The following SRF variants were observed in gnomAD, a reference collection of about 807,000 sequenced individuals.
SRF encodes the protein serum response factor, also known as c-fos serum response element-binding transcription factor.
Under a neutral mutation model 37.1 loss-of-function variants are expected in SRF, and 7 were observed. The ratio of observed to expected loss-of-function variants is 0.19; its 90% CI spans 0.11 to 0.35. SRF has a LOEUF of 0.35. Among genes scored for constraint, SRF ranks in the 10% least tolerant of loss-of-function variants. SRF has a pLI of 1.00. For missense variants in SRF, 395 were observed against 694.4 expected (o/e 0.57, Z 4.85); for synonymous variants, 285 against 310.1 (o/e 0.92, Z 0.85).
rs1407168804 is a variant in SRF at position 43,176,662 on chromosome 6, G to T, written c.1157G>T (p.Gly386Val). Residue 386 changes from glycine (G) to valine (V), a missense_variant, in exon 4 of 7, where the codon GGG (glycine) becomes GTG (valine). Gly to Val is a moderately radical substitution (Grantham distance 109, BLOSUM62 -3). Coordinates refer to ENST00000265354, the MANE Select transcript of SRF (RefSeq NM_003131.4). This position sits in a 1 kb window ranked among gnomAD's most constrained non-coding sequence, Gnocchi z 4.0. ...STDLTQTSSS[G>V]TVTLPATIMT... ...GACCTCACGCAGACCTCCTCCAGCG[G>T]GACAGGTATAGCTCGCAGCCCTGTC... 6.2e-7 allele frequency: 1 copy of T among 1,613,958 alleles called. No homozygotes were observed. Among genetic ancestry groups the T allele is most frequent in the Non-Finnish European group, 8.5e-7 (1 of 1,179,940 alleles).
chr6:43,181,159 C>T lies in SRF; in HGVS notation c.*1969C>T, dbSNP rs979757555. 6.5e-6 allele frequency: 1 copy of T among 152,756 alleles called. No homozygotes were observed. The highest frequency in any genetic ancestry group is 1.5e-5 in the Non-Finnish European group (1 of 68,066). 9.5% of individuals were successfully genotyped at this position (152,756 alleles called of 1,614,324 possible). A position where few individuals can be genotyped will look rare whatever the true frequency, so the allele number is the denominator to read the frequency against. On this transcript the variant is annotated 3_prime_UTR_variant, in exon 7 of 7. Transcript: ENST00000265354. ...TTTGATGAATTCTTCCTCTCCTTCC[C>T]ACAAAAGACAGACCCAGTGAGTGAA...
In SRF at chr6:43,176,436, G is replaced by T. The variant is rs777573080; in HGVS notation, c.1043-112G>T. 6 of 1,505,656 alleles carry T rather than the reference G, an allele frequency of 4.0e-6. 1 individual carries two copies. The highest frequency in any genetic ancestry group is 4.0e-4 in the Middle Eastern group (2 of 5,056). The allele number at this position is 1,505,656 out of a possible 1,614,324, so 93.3% of individuals were successfully genotyped here. ...CTCTTTGGCTTCCAGGAAAGATAGTGATGGGAGTTGGAGACCAGTGTGCCA... is the reference window on the plus strand; with the variant it reads ...CTCTTTGGCTTCCAGGAAAGATAGTTATGGGAGTTGGAGACCAGTGTGCCA... On this transcript the variant is annotated intron_variant, in intron 3 of 6. Coordinates refer to ENST00000265354, the MANE Select transcript of SRF (RefSeq NM_003131.4). The surrounding 1 kb of genome is among the most constrained non-coding windows in gnomAD (Gnocchi z 4.0).
Position 43,176,405 on chromosome 6 carries a change from A to T in SRF, c.1043-143A>T. The T allele has an allele frequency of 7.5e-7, 1 of 1,324,942 alleles. No homozygotes were observed. Among genetic ancestry groups the T allele is most frequent in the Admixed American group, 2.0e-5 (1 of 48,922 alleles). 82.1% of individuals were successfully genotyped at this position (1,324,942 alleles called of 1,614,324 possible). On this transcript the variant is annotated intron_variant, in intron 3 of 6. Coordinates refer to ENST00000265354, the MANE Select transcript of SRF (RefSeq NM_003131.4). The surrounding 1 kb of genome is among the most constrained non-coding windows in gnomAD (Gnocchi z 4.0). Reference sequence around the variant, plus strand: ...CCCCCAGAGTGGATACTTGGGCCTGAAGGGCCTCTTTGGCTTCCAGGAAAG... The same window carrying T: ...CCCCCAGAGTGGATACTTGGGCCTGTAGGGCCTCTTTGGCTTCCAGGAAAG...
At chr6:43,175,039 C>T (rs1004788740) in intron 2 of SRF, among the ~76,000 whole-genome samples, 1 of 152,166 alleles carries the variant, frequency 6.6e-6, no homozygotes, top group Non-Finnish European at 1.5e-5. Context: ...TGGATGAGTA[C>T]ATTCTTTTGG....
Position 43,172,539 on chromosome 6 carries a change from TC to T in SRF, c.513+371del. 6 of 885,998 alleles carry T rather than the reference TC, an allele frequency of 6.8e-6. No homozygotes were observed. Among genetic ancestry groups the T allele is most frequent in the Non-Finnish European group, 8.1e-6 (6 of 739,294 alleles). The allele number at this position is 885,998 out of a possible 1,614,324, so 54.9% of individuals were successfully genotyped here. A position where few individuals can be genotyped will look rare whatever the true frequency, so the allele number is the denominator to read the frequency against. On this transcript the variant is annotated intron_variant, in intron 1 of 6. Coordinates refer to ENST00000265354, the MANE Select transcript of SRF (RefSeq NM_003131.4). The surrounding 1 kb of genome is among the most constrained non-coding windows in gnomAD (Gnocchi z 5.7). ...CAGTAGGTCCAGTGCACTCCGGTGT[TC>T]GGACGAGGGCGCCGGAAAAGCAGGG...
At position 43,179,542 on chromosome 6, in the gene SRF, C is replaced by G. The variant is rs1378969139; in HGVS notation, c.*352C>G. On this transcript the variant is annotated 3_prime_UTR_variant, in exon 7 of 7. Transcript: ENST00000265354. This position sits in a 1 kb window ranked among gnomAD's most constrained non-coding sequence, Gnocchi z 5.3. Reference sequence around the variant, plus strand: ...CCCCACACACAGGCCTTCTGTGGGGCTGGGCACCGTGTCCTCCTCTGAGGA... The same window carrying G: ...CCCCACACACAGGCCTTCTGTGGGGGTGGGCACCGTGTCCTCCTCTGAGGA... The G allele has an allele frequency of 3.2e-6, 1 of 311,296 alleles. No individual in the cohort carries two copies. Among genetic ancestry groups the G allele is most frequent in the East Asian group, 8.1e-5 (1 of 12,308 alleles). 19.3% of individuals were successfully genotyped at this position (311,296 alleles called of 1,614,324 possible).
Position 43,171,516 on chromosome 6 carries a change from G to A in SRF, c.-141G>A. The A allele has an allele frequency of 2.0e-6, 2 of 981,832 alleles. No homozygotes were observed. The highest frequency in any genetic ancestry group is 1.3e-6 in the Non-Finnish European group (1 of 776,160). The allele number at this position is 981,832 out of a possible 1,614,324, so 60.8% of individuals were successfully genotyped here. On this transcript the variant is annotated 5_prime_UTR_variant, in exon 1 of 7. Coordinates refer to ENST00000265354, the MANE Select transcript of SRF (RefSeq NM_003131.4). The surrounding 1 kb of genome is among the most constrained non-coding windows in gnomAD (Gnocchi z 6.5). ...GTCGGCCCGGGCGTGCAGGGGCCCC[G>A]GGTTCGCAGCGGCGGCCGCGGCAGC...
In SRF at chr6:43,176,443, G is replaced by A. The variant is rs992410682; in HGVS notation, c.1043-105G>A. ...GCTTCCAGGAAAGATAGTGATGGGAGTTGGAGACCAGTGTGCCAGACCCTG... is the reference window on the plus strand; with the variant it reads ...GCTTCCAGGAAAGATAGTGATGGGAATTGGAGACCAGTGTGCCAGACCCTG... On this transcript the variant is annotated intron_variant, in intron 3 of 6. Transcript: ENST00000265354. The surrounding 1 kb of genome is among the most constrained non-coding windows in gnomAD (Gnocchi z 4.0). 7 of 1,529,786 alleles carry A rather than the reference G, an allele frequency of 4.6e-6. No homozygotes were observed. The highest frequency in any genetic ancestry group is 5.3e-6 in the Non-Finnish European group (6 of 1,124,962). 94.8% of individuals were successfully genotyped at this position (1,529,786 alleles called of 1,614,324 possible). A position where few individuals can be genotyped will look rare whatever the true frequency, so the allele number is the denominator to read the frequency against.
At chr6:43,177,850 G>C (rs111773489) in intron 4 of SRF, among the ~76,000 whole-genome samples, 3 of 150,536 alleles carry the variant, frequency 2.0e-5, no homozygotes, top group Non-Finnish European at 4.4e-5. Flanking sequence ...AGGAGGCGGA[G>C]CTTGCAGTGA....
At position 43,180,234 on chromosome 6, in the gene SRF, G is replaced by A. The variant is rs1408102467; in HGVS notation, c.*1044G>A. 1 of 152,254 alleles carries A rather than the reference G, an allele frequency of 6.6e-6. No homozygotes were observed. The highest frequency in any genetic ancestry group is 1.5e-5 in the Non-Finnish European group (1 of 68,088). The allele number at this position is 152,254 out of a possible 1,614,324, so 9.4% of individuals were successfully genotyped here. On this transcript the variant is annotated 3_prime_UTR_variant, in exon 7 of 7. Transcript: ENST00000265354. ...TTTGCCCTTTAGGGCTGTTGCTAGG[G>A]AGAGGGAAGAGGGAGACCAAATGTC...
chr6:43,178,378 T>G lies in SRF; in HGVS notation c.1247T>G (p.Met416Arg). ...ATGTACCCTAGCCCGCATGCGGTGATGTATGCCCCCACCTCGGGCCTGGGT... is the reference window on the plus strand; with the variant it reads ...ATGTACCCTAGCCCGCATGCGGTGAGGTATGCCCCCACCTCGGGCCTGGGT... ...HMMYPSPHAVMYAPTSGLGDG... is the reference protein window; with the variant it reads ...HMMYPSPHAVRYAPTSGLGDG... The change falls in exon 5 of 7, where the codon ATG becomes AGG. Residue 416 changes from methionine (M) to arginine (R), a missense_variant. Around this residue, in one of 4 missense-constraint regions of SRF, gnomAD observed 232 missense variants for 335.6 expected, o/e 0.69. Coordinates refer to ENST00000265354, the MANE Select transcript of SRF (RefSeq NM_003131.4). The surrounding 1 kb of genome is among the most constrained non-coding windows in gnomAD (Gnocchi z 4.3). 1.2e-6 allele frequency: 2 copies of G among 1,614,064 alleles called. No individual in the cohort carries two copies. The highest frequency in any genetic ancestry group is 1.7e-6 in the Non-Finnish European group (2 of 1,180,022).
intron 2 of SRF, among the ~76,000 whole-genome samples, chr6:43,175,363 CAG>C (rs1342688190): frequency 6.6e-6 from 1 of 152,152 alleles, no homozygotes; most frequent in Non-Finnish European, 1.5e-5. Flanking sequence ...GCAGAGAACT[CAG>C]GGGATTATAA....
rs770210193 is a variant in SRF at position 43,178,286 on chromosome 6, T to C, written c.1163-8T>C. On this transcript the variant is annotated splice_region_variant and splice_polypyrimidine_tract_variant and intron_variant, in intron 4 of 6. Coordinates refer to ENST00000265354, the MANE Select transcript of SRF (RefSeq NM_003131.4). The surrounding 1 kb of genome is among the most constrained non-coding windows in gnomAD (Gnocchi z 4.3). ...AGTGCCGAGCTGACACATGTCTGTG[T>C]TTGCCAGTGACGCTGCCCGCCACCA... is the stretch of plus-strand genomic sequence containing the variant. 2 of 1,590,996 alleles carry C rather than the reference T, an allele frequency of 1.3e-6. No homozygotes were observed. Among genetic ancestry groups the C allele is most frequent in the Non-Finnish European group, 1.7e-6 (2 of 1,162,812 alleles).
rs1772275546 is a variant in SRF at position 43,179,825 on chromosome 6, C to G, written c.*635C>G. ...CAGGGGCTCCTGGGTTGGAGGGAAC[C>G]ACCAGCGTTCCCTTCTCCCCCTTGT... On this transcript the variant is annotated 3_prime_UTR_variant, in exon 7 of 7. Transcript: ENST00000265354. This position sits in a 1 kb window ranked among gnomAD's most constrained non-coding sequence, Gnocchi z 5.3. 1 of 153,140 alleles carries G rather than the reference C, an allele frequency of 6.5e-6. No homozygotes were observed. Among genetic ancestry groups the G allele is most frequent in the Non-Finnish European group, 1.5e-5 (1 of 68,408 alleles). 9.5% of individuals were successfully genotyped at this position (153,140 alleles called of 1,614,324 possible).
At position 43,178,021 on chromosome 6, in the gene SRF, C is replaced by A. The variant is rs1282298562; in HGVS notation, c.1163-273C>A. 6.6e-6 allele frequency among the ~76,000 whole-genome samples: 1 copy of A among 151,840 alleles called. No homozygotes were observed. Among genetic ancestry groups the A allele is most frequent in the East Asian group, 1.9e-4 (1 of 5,188 alleles). ...TTTCTGAGAGTAGGTCAGTCATAAT[C>A]TTTGTTTTTCCCAAGATTTAGGACT... On this transcript the variant is annotated intron_variant, in intron 4 of 6. Transcript: ENST00000265354. The surrounding 1 kb of genome is among the most constrained non-coding windows in gnomAD (Gnocchi z 4.3).
Position 43,172,133 on chromosome 6 carries a change from G to A in SRF, c.477G>A (p.Thr159=), listed in dbSNP as rs760691850. ...TCGACAACAAGCTGCGGCGCTACAC[G>A]ACCTTCAGCAAGAGGAAGACGGGCA... ...EFIDNKLRRY[T]TFSKRKTGIM... The change falls in exon 1 of 7, where the codon ACG becomes ACA. Residue 159 remains threonine (T), a synonymous_variant. Transcript: ENST00000265354. The surrounding 1 kb of genome is among the most constrained non-coding windows in gnomAD (Gnocchi z 5.7). The A allele has an allele frequency of 6.2e-7, 1 of 1,612,046 alleles. No individual in the cohort carries two copies. The highest frequency in any genetic ancestry group is 1.1e-5 in the South Asian group (1 of 91,070).
Position 43,179,154 on chromosome 6 carries a change from G to A in SRF, c.1491G>A (p.Val497=). ...GCAACCTCACCGAGCTACAGGTGGT[G>A]AACCTGGACACCGCCCACAGCACCA... The part of the protein sequence containing the change: ...SSSNLTELQV[V]NLDTAHSTKS... Residue 497 remains valine (V), a synonymous_variant, in exon 7 of 7, where the codon GTG becomes GTA. Coordinates refer to ENST00000265354, the MANE Select transcript of SRF (RefSeq NM_003131.4). This position sits in a 1 kb window ranked among gnomAD's most constrained non-coding sequence, Gnocchi z 5.3. 6.2e-7 allele frequency: 1 copy of A among 1,614,254 alleles called. No homozygotes were observed. Among genetic ancestry groups the A allele is most frequent in the Non-Finnish European group, 8.5e-7 (1 of 1,180,052 alleles).
In SRF at chr6:43,171,842, A is replaced by G; in HGVS notation, c.186A>G (p.Ala62=). The change falls in exon 1 of 7, where the codon GCA becomes GCG. Residue 62 remains alanine (A), a synonymous_variant. Transcript: ENST00000265354. The surrounding 1 kb of genome is among the most constrained non-coding windows in gnomAD (Gnocchi z 6.5). ...GCCGCCTGGAGCGGGAGGCTGCGGCAGCGGCGGCAACCACCCCGGCGCCCA... is the reference window on the plus strand; with the variant it reads ...GCCGCCTGGAGCGGGAGGCTGCGGCGGCGGCGGCAACCACCCCGGCGCCCA... ...GPGRLEREAA[A]AAATTPAPTA... is the part of the protein sequence containing the mutation. 7.9e-7 allele frequency: 1 copy of G among 1,260,942 alleles called. No homozygotes were observed. The highest frequency in any genetic ancestry group is 1.0e-6 in the Non-Finnish European group (1 of 1,004,774). 78.1% of individuals were successfully genotyped at this position (1,260,942 alleles called of 1,614,324 possible).
At position 43,175,770 on chromosome 6, in the gene SRF, C is replaced by G; in HGVS notation, c.845C>G (p.Ala282Gly). 1 of 1,614,256 alleles carries G rather than the reference C, an allele frequency of 6.2e-7. No homozygotes were observed. The highest frequency in any genetic ancestry group is 1.7e-5 in the Admixed American group (1 of 60,030). Reference protein sequence around the residue: ...LPGTTSTIQTAPSTSTTMQVS... With the variant: ...LPGTTSTIQTGPSTSTTMQVS... The stretch of plus-strand genomic sequence containing the variant: ...GGTACAACCTCCACCATCCAAACAG[C>G]ACCTAGCACCTCTACCACCATGCAA... The change falls in exon 3 of 7, where the codon GCA (alanine) becomes GGA (glycine). Residue 282 changes from alanine to glycine, a missense_variant. Coordinates refer to ENST00000265354, the MANE Select transcript of SRF (RefSeq NM_003131.4).
Sources: gnomAD v4.1 joint callset for allele counts (sites outside exome capture counted in the v4.1 genomes callset) on GRCh38, gnomAD v4.1.1 for gene constraint, gnomAD v4.1.1 regional missense constraint, Gnocchi (gnomAD v3.1) non-coding constraint, MANE v1.5 for transcripts, NCBI Gene and HGNC (gene_info 2026-07-23, HGNC 2026-07-21) for gene names.